The following HEATR5A variants were observed in gnomAD, a reference collection of about 807,000 sequenced individuals.
HEATR5A encodes the protein HEAT repeat-containing protein 5A.
Under a neutral mutation model 218.8 loss-of-function variants are expected in HEATR5A, and 178 were observed. The ratio of observed to expected loss-of-function variants is 0.81; its 90% CI spans 0.72 to 0.92. HEATR5A has a LOEUF of 0.92. HEATR5A is among the 40% of genes least tolerant of loss of function. The pLI is 0.00. For missense variants in HEATR5A, 2,420 were observed against 2,418.9 expected (o/e 1.00, Z -0.01); for synonymous variants, 864 against 871.6 (o/e 0.99, Z 0.15).
At chr14:31,386,612 T>G (rs371609648) in intron 8 of HEATR5A, 37 bp from the exon 9 acceptor site, 1 of 1,511,568 alleles carries the variant, frequency 6.6e-7, no homozygotes, top group African/African-American at 1.4e-5. Flanking sequence ...GCATAACCAC[T>G]GTATTAAAAT....
intron 21 of HEATR5A, among the ~76,000 whole-genome samples, chr14:31,341,508 C>T (rs1230989206): frequency 6.6e-6 from 1 of 152,102 alleles, no homozygotes; most frequent in African/African-American, 2.4e-5. Flanking sequence ...ATCCTCTCAC[C>T]TCAGCCTCCC....
chr14:31,389,042 A>T (rs747322516), intron 6 of HEATR5A, 37 bp from the exon 7 acceptor site: 1 of 1,515,968 alleles, frequency 6.6e-7, no homozygotes, highest in South Asian at 1.2e-5. Flanking sequence ...CATATTTTAC[A>T]GACTAAATTT....
intron 22 of HEATR5A, among the ~76,000 whole-genome samples, chr14:31,329,976 G>T (rs1385410243): frequency 6.6e-6 from 1 of 152,216 alleles, no homozygotes; most frequent in African/African-American, 2.4e-5. Context: ...CTCCCAAAGT[G>T]CTGGGATTAT....
At chr14:31,356,136 C>A (rs1002707247) in intron 16 of HEATR5A, among the ~76,000 whole-genome samples, 1 of 152,186 alleles carries the variant, frequency 6.6e-6, no homozygotes, top group African/African-American at 2.4e-5. Flanking sequence ...CTTCCCTATT[C>A]ATGTAGTTTC....
chr14:31,370,293 A>G (rs1482639072), intron 13 of HEATR5A, among the ~76,000 whole-genome samples: 1 of 152,218 alleles, frequency 6.6e-6, no homozygotes, highest in Non-Finnish European at 1.5e-5. Flanking sequence ...AAAATAGGTT[A>G]AAGATATGAA....
Position 31,400,391 on chromosome 14 carries a change from C to A in HEATR5A, c.248G>T (p.Gly83Val). 1 of 1,535,702 alleles carries A rather than the reference C, an allele frequency of 6.5e-7. No homozygotes were observed. Among genetic ancestry groups the A allele is most frequent in the Non-Finnish European group, 8.7e-7 (1 of 1,146,642 alleles). Residue 83 changes from glycine to valine, a missense_variant, in exon 3 of 36, where the codon GGA (glycine) becomes GTA (valine). By Grantham distance (109) the Gly-to-Val change is moderately radical. Transcript: ENST00000543095. ...AKNLAILYSI[G>V]DTFSVHEAID... is the part of the protein sequence containing the mutation. ...TGCTTCATGAACGGAGAATGTGTCT[C>A]CAATACTATAAAGTATGGCTAGATT...
chr14:31,376,659 A>C (rs1309105770), intron 11 of HEATR5A, among the ~76,000 whole-genome samples: 2 of 152,246 alleles, frequency 1.3e-5, no homozygotes, highest in East Asian at 1.9e-4. Context: ...AAGTGTATCA[A>C]AAAAGGTTTA....
chr14:31,321,913 C>T (rs1391971713), intron 24 of HEATR5A, among the ~76,000 whole-genome samples: 1 of 152,080 alleles, frequency 6.6e-6, no homozygotes, highest in Non-Finnish European at 1.5e-5. Flanking sequence ...CTACTCAGGG[C>T]AGAATTAGCA....
chr14:31,294,209 C>CTAAT, intron 34 of HEATR5A, 105 bp from the exon 35 acceptor site: 1 of 753,182 alleles, frequency 1.3e-6, no homozygotes. Flanking sequence ...AAATTTATTT[C>CTAAT]TAATTTGTGT....
chr14:31,354,757 CA>C (rs760774711), intron 16 of HEATR5A, among the ~76,000 whole-genome samples: 1 of 152,120 alleles, frequency 6.6e-6, no homozygotes, highest in Non-Finnish European at 1.5e-5. Context: ...ACCCTTTAGA[CA>C]GGGGGTACAC....
intron 6 of HEATR5A, among the ~76,000 whole-genome samples, chr14:31,393,568 C>T (rs2030535040): frequency 6.6e-6 from 1 of 152,188 alleles, no homozygotes; most frequent in Non-Finnish European, 1.5e-5. Flanking sequence ...CACCACACTT[C>T]AAGAGTTCTT....
chr14:31,350,124 C>A (rs931231421), intron 17 of HEATR5A, 145 bp from the exon 18 acceptor site: 2 of 507,620 alleles, frequency 3.9e-6, no homozygotes, highest in Non-Finnish European at 6.7e-6. Context: ...AAAATCCACA[C>A]TGATAATACA....
chr14:31,403,543 G>A (rs117277415), intron 1 of HEATR5A, among the ~76,000 whole-genome samples: 248 of 152,306 alleles, frequency 1.6e-3, no homozygotes, highest in South Asian at 9.3e-3. Context: ...AAGCCCATTA[G>A]CATCAGTTCC....
chr14:31,345,287 A>G lies in HEATR5A; in HGVS notation c.2869-11T>C, dbSNP rs1257902526. ...ATGTAATGCCCAGGTCTGTAATGAC[A>G]AAGAAAAACAATTAAAAACATTACA... On this transcript the variant is annotated splice_polypyrimidine_tract_variant and intron_variant, in intron 19 of 35. Transcript: ENST00000543095. The G allele has an allele frequency of 1.9e-6, 3 of 1,567,718 alleles. No homozygotes were observed. The South Asian group carries it at 3.5e-5, about 18-fold the overall frequency.
At position 31,383,721 on chromosome 14, in the gene HEATR5A, G is replaced by A. The variant is rs767217685; in HGVS notation, c.1396C>T (p.Arg466Ter). 3.7e-6 allele frequency: 6 copies of A among 1,613,466 alleles called. No individual in the cohort carries two copies. The highest frequency in any genetic ancestry group is 2.2e-5 in the South Asian group (2 of 91,058). Residue 466 changes from arginine (R) to a stop codon, truncating the protein, a stop_gained, in exon 10 of 36, where the codon CGA becomes TGA. Transcript: ENST00000543095. LOFTEE classifies it high-confidence loss of function. ...TGTAAACACCAAGCTGCTGCTAGTCGAACAGAAATGCTAGGATGAAGAATA... is the reference window on the plus strand; with the variant it reads ...TGTAAACACCAAGCTGCTGCTAGTCAAACAGAAATGCTAGGATGAAGAATA... ...SVILHPSISV[R>*]LAAAWCLHCI...
At chr14:31,331,449 T>C (rs1900468234) in intron 22 of HEATR5A, among the ~76,000 whole-genome samples, 1 of 152,182 alleles carries the variant, frequency 6.6e-6, no homozygotes, top group Admixed American at 6.5e-5. Flanking sequence ...ATCAGCATTT[T>C]GGTCAAAGCC....
intron 28 of HEATR5A, 81 bp downstream of exon 28, chr14:31,312,887 G>T: frequency 8.6e-7 from 1 of 1,167,894 alleles, no homozygotes; most frequent in South Asian, 1.5e-5. Flanking sequence ...AACAAAGTAA[G>T]ACCCTGTCAA....
Position 31,347,756 on chromosome 14 carries a change from C to T in HEATR5A, c.2860G>A (p.Asp954Asn). 6.3e-7 allele frequency: 1 copy of T among 1,592,954 alleles called. No homozygotes were observed. Among genetic ancestry groups the T allele is most frequent in the Non-Finnish European group, 8.5e-7 (1 of 1,172,580 alleles). The change falls in exon 19 of 36, where the codon GAT becomes AAT. Residue 954 changes from aspartate to asparagine, a missense_variant. Coordinates refer to ENST00000543095, the MANE Select transcript of HEATR5A (RefSeq NM_015473.4). ...YTLAQDSTSP[D>N]VQTWALHSLS... ...TCACATGAGGTACCCACCTGCACAT[C>T]AGGAGAAGTGCTGTCCTGCGCCAAA...
intron 9 of HEATR5A, among the ~76,000 whole-genome samples, chr14:31,385,126 C>T (rs2030161755): frequency 6.6e-6 from 1 of 151,970 alleles, no homozygotes; most frequent in South Asian, 2.1e-4. Flanking sequence ...GGATAAAAGC[C>T]ATAATGATAT....
Sources: gnomAD v4.1 joint callset for allele counts (sites outside exome capture counted in the v4.1 genomes callset) on GRCh38, gnomAD v4.1.1 for gene constraint, MANE v1.5 for transcripts, NCBI Gene and HGNC (gene_info 2026-07-23, HGNC 2026-07-21) for gene names.